STS: variants seen among roughly 807,000 people sequenced by gnomAD.
STS encodes steroid sulfatase, also known as steryl-sulfatase.
Under a neutral mutation model 26.8 loss-of-function variants are expected in STS, and 7 were observed. The ratio of observed to expected loss-of-function variants is 0.26; its 90% confidence interval spans 0.15 to 0.49. STS has a LOEUF of 0.49. Ranked by LOEUF, STS falls within the 20% of genes least tolerant of loss-of-function variation. STS has a pLI of 0.98. For synonymous variants in STS, 199 were observed against 189.4 expected, an observed-to-expected ratio of 1.05 and a Z score of -0.42; for missense variants, 434 against 465.6, an observed-to-expected ratio of 0.93 and a Z score of 0.63.
chrX:7,278,766 C>A (rs1386082260), intron 7 of STS, among the ~76,000 whole-genome samples: 1 of 111,454 alleles, frequency 9.0e-6, no homozygotes, highest in African/African-American at 3.3e-5. Context: ...TGATTTTAAT[C>A]ATCAGAGTGA....
At chrX:7,253,452 A>G in intron 3 of STS, 116 bp downstream of exon 3, 1 of 1,017,509 alleles carries the variant, frequency 9.8e-7, no homozygotes, top group Non-Finnish European at 1.4e-6. Flanking sequence ...AAACCCTCCA[A>G]ACCATGCCTG....
At position 7,259,581 on chromosome X, in the gene STS, C is replaced by T. The variant is rs766304878; in HGVS notation, c.615C>T (p.His205=). The change falls in exon 6 of 11, where the codon CAC becomes CAT. Residue 205 remains histidine (H), a synonymous_variant. Coordinates refer to ENST00000674429, the MANE Select transcript of STS (RefSeq NM_001320752.2). ...LAALNCLGLL[H]VPLGVFFSLL... ...CACTCAATTGTCTGGGGCTACTCCA[C>T]GTGCCTCTAGGCGTTTTTTTCAGCC... 3.6e-5 allele frequency: 43 copies of T among 1,209,617 alleles called. No homozygotes were observed. In the Admixed American group the frequency reaches 5.7e-4, roughly 16 times the overall value.
intron 10 of STS, among the ~76,000 whole-genome samples, chrX:7,335,555 G>C (rs1297213573): frequency 9.0e-6 from 1 of 111,675 alleles, no homozygotes; most frequent in Non-Finnish European, 1.9e-5. Flanking sequence ...CCATTCTGTA[G>C]GTTGCCTGTT....
intron 2 of STS, among the ~76,000 whole-genome samples, chrX:7,208,489 G>A (rs1029748): frequency 0.23 from 25,799 of 110,827 alleles, 2,516 homozygotes; most frequent in Admixed American, 0.4. Flanking sequence ...GTACAGAGGA[G>A]TCTCTCCTAC....
At chrX:7,263,087 G>A (rs1484172116) in intron 6 of STS, among the ~76,000 whole-genome samples, 1 of 111,453 alleles carries the variant, frequency 9.0e-6, no homozygotes, top group Admixed American at 9.4e-5. Context: ...TTGTTTTTTT[G>A]AGATAGAGTC....
chrX:7,278,317 G>T (rs761726494), intron 7 of STS, among the ~76,000 whole-genome samples: 10 of 112,138 alleles, frequency 8.9e-5, no homozygotes, highest in Admixed American at 3.8e-4. Flanking sequence ...GAATAATTAT[G>T]TAATAAAATA....
intron 2 of STS, among the ~76,000 whole-genome samples, chrX:7,217,676 G>A (rs973945208): frequency 2.7e-5 from 3 of 111,325 alleles, no homozygotes; most frequent in Admixed American, 9.6e-5. Flanking sequence ...GGTTGAAAGA[G>A]AGAAGAGAGA....
intron 2 of STS, among the ~76,000 whole-genome samples, chrX:7,252,900 C>T (rs1338910118): frequency 4.5e-5 from 5 of 111,523 alleles, no homozygotes; most frequent in Non-Finnish European, 9.4e-5. Flanking sequence ...GGCCTGTAAT[C>T]AGCACTTTGC....
At chrX:7,204,248 C>G (rs1350274996) in intron 2 of STS, among the ~76,000 whole-genome samples, 1 of 111,868 alleles carries the variant, frequency 8.9e-6, no homozygotes, top group Non-Finnish European at 1.9e-5. Context: ...TCTCCTACTT[C>G]TTAATTTTCT....
intron 6 of STS, among the ~76,000 whole-genome samples, chrX:7,271,303 G>GT (rs1255188249): frequency 1.8e-5 from 2 of 111,548 alleles, no homozygotes; most frequent in Admixed American, 9.6e-5. Context: ...CACAAAGACT[G>GT]TAATTTCATG....
Position 7,157,643 on chromosome X carries a change from C to T in STS, c.-134+9560C>T, listed in dbSNP as rs1410282146. On this transcript the variant is annotated intron_variant, in intron 1 of 10. Transcript: ENST00000674429. Reference sequence around the variant, plus strand: ...AAAAAGGATCATCCATTTCTTTTGGCCAGGCACCATGCCCTGGGACATTAT... The same window carrying T: ...AAAAAGGATCATCCATTTCTTTTGGTCAGGCACCATGCCCTGGGACATTAT... Among the ~76,000 whole-genome samples, 7 of 111,433 alleles carry T rather than the reference C, an allele frequency of 6.3e-5. No homozygotes were observed. In the East Asian group the frequency reaches 1.1e-3, roughly 18 times the overall value.
Position 7,196,325 on chromosome X carries a change from A to T in STS, c.-5+5317A>T, listed in dbSNP as rs371774279. Among the ~76,000 whole-genome samples, 3 of 111,928 alleles carry T rather than the reference A, an allele frequency of 2.7e-5. No homozygotes were observed. The East Asian group carries it at 8.5e-4, about 32-fold the overall frequency. ...AATCATTCAGCCTTCCTTCTCTTCC[A>T]GTACCATGAAGGAGAAACCCTTACA... On this transcript the variant is annotated intron_variant, in intron 2 of 10. Coordinates refer to ENST00000674429, the MANE Select transcript of STS (RefSeq NM_001320752.2).
chrX:7,259,108 GT>G (rs1320332300), intron 5 of STS, among the ~76,000 whole-genome samples: 1 of 110,234 alleles, frequency 9.1e-6, no homozygotes, highest in African/African-American at 3.3e-5. Flanking sequence ...GATTTTGTTT[GT>G]TTTTTTGTTT....
At chrX:7,338,647 T>G (rs1460768954) in intron 10 of STS, among the ~76,000 whole-genome samples, 3 of 111,568 alleles carry the variant, frequency 2.7e-5, no homozygotes, top group African/African-American at 9.8e-5. Context: ...TGGCTCCATA[T>G]TCTATTCAAG....
At chrX:7,161,263 G>A (rs1020267322) in intron 1 of STS, among the ~76,000 whole-genome samples, 1 of 111,415 alleles carries the variant, frequency 9.0e-6, no homozygotes, top group Non-Finnish European at 1.9e-5. Context: ...CACTGCATCC[G>A]GCTGAAGCCA....
intron 1 of STS, among the ~76,000 whole-genome samples, chrX:7,185,649 A>G (rs1221142623): frequency 8.9e-6 from 1 of 112,703 alleles, no homozygotes; most frequent in East Asian, 2.8e-4. Flanking sequence ...TGAGGAAAAG[A>G]GCAGTACCTA....
chrX:7,257,219 A>G (rs1923454880), intron 3 of STS, 23 bp from the exon 4 acceptor site: 1 of 1,209,077 alleles, frequency 8.3e-7, no homozygotes. Context: ...ATGATCACAA[A>G]TGCTATGATT....
intron 2 of STS, among the ~76,000 whole-genome samples, chrX:7,248,691 A>T (rs777854529): frequency 6.3e-5 from 7 of 111,418 alleles, no homozygotes; most frequent in African/African-American, 2.3e-4. Flanking sequence ...TTTAAGATTT[A>T]TTACTATTTA....
intron 7 of STS, among the ~76,000 whole-genome samples, chrX:7,279,508 G>A (rs1457786533): frequency 9.5e-6 from 1 of 105,593 alleles, no homozygotes; most frequent in East Asian, 3.0e-4. Context: ...TCTGTTGAGG[G>A]GCAATAAATG....
Sources: gnomAD v4.1 joint callset for allele counts (sites outside exome capture counted in the v4.1 genomes callset) on GRCh38, gnomAD v4.1.1 for gene constraint, MANE v1.5 for transcripts, NCBI Gene and HGNC (gene_info 2026-07-23, HGNC 2026-07-21) for gene names.